The following PNPLA7 variants were observed in gnomAD, a reference collection of about 807,000 sequenced individuals.
PNPLA7 encodes patatin-like phospholipase domain-containing protein 7.
PNPLA7 carries 153 observed loss-of-function variants against 161.7 expected under a neutral mutation model. That is an observed-to-expected ratio of 0.95 (90% CI 0.83 to 1.08). PNPLA7 has a LOEUF of 1.08. Among genes scored for constraint, PNPLA7 ranks in the 50% least tolerant of loss-of-function variants. The pLI, the probability that PNPLA7 is intolerant of heterozygous loss-of-function variation, is 0.00. For missense variants in PNPLA7, 1,739 were observed against 1,856.6 expected (o/e 0.94, Z 1.16); for synonymous variants, 809 against 782.1 (o/e 1.03, Z -0.57).
At chr9:137,502,866 T>G (rs1833566167) in intron 14 of PNPLA7, among the ~76,000 whole-genome samples, 1 of 151,482 alleles carries the variant, frequency 6.6e-6, no homozygotes, top group Admixed American at 6.6e-5. Flanking sequence ...GATAAGAGTA[T>G]TGTGGTTAGA....
In PNPLA7 at chr9:137,464,256, G is replaced by A. The variant is rs1044213137; in HGVS notation, c.3157-61C>T. 6.8e-6 allele frequency: 11 copies of A among 1,608,612 alleles called. No homozygotes were observed. The Admixed American group carries it at 1.8e-4, about 27-fold the overall frequency. ...ATCACGCTCCTGTCCTGTGTCTGGGGAGGCTGACCCAGGGCCAAGAGGTGG... is the reference window on the plus strand; with the variant it reads ...ATCACGCTCCTGTCCTGTGTCTGGGAAGGCTGACCCAGGGCCAAGAGGTGG... On this transcript the variant is annotated intron_variant, in intron 27 of 34. Transcript: ENST00000406427.
rs1341768943 is a variant in PNPLA7, at chr9:137,537,871, A to C, written c.747+2771T>G. On this transcript the variant is annotated intron_variant, in intron 8 of 34. Coordinates refer to ENST00000406427, the MANE Select transcript of PNPLA7 (RefSeq NM_001098537.3). The surrounding 1 kb of genome is among the most constrained non-coding windows in gnomAD (Gnocchi z 4.5). ...ATGGAGAAAGCCTCTACCCCAGTGA[A>C]GCTATTTTTTGCTTAAAGAGAAACG... is the stretch of plus-strand genomic sequence containing the variant. Among the ~76,000 whole-genome samples, 2 of 152,180 alleles carry C rather than the reference A, an allele frequency of 1.3e-5. No homozygotes were observed. The highest frequency in any genetic ancestry group is 2.4e-5 in the African/African-American group (1 of 41,420).
intron 8 of PNPLA7, among the ~76,000 whole-genome samples, chr9:137,539,363 C>A (rs945726927): frequency 5.9e-5 from 9 of 151,866 alleles, no homozygotes; most frequent in South Asian, 2.1e-4. Context: ...AACAAACAAA[C>A]AAAAAACAAA....
At chr9:137,480,252 G>A in intron 23 of PNPLA7, 60 bp downstream of exon 23, 2 of 1,547,136 alleles carry the variant, frequency 1.3e-6, no homozygotes, top group African/African-American at 1.4e-5. Flanking sequence ...AAGGAAAAGA[G>A]AAACAGGAGG....
At chr9:137,463,641 G>C in intron 28 of PNPLA7, 110 bp from the exon 29 acceptor site, 1 of 760,908 alleles carries the variant, frequency 1.3e-6, no homozygotes, top group Non-Finnish European at 2.1e-6. Context: ...AACTCTCTGA[G>C]GCCGCCTCCA....
chr9:137,516,402 C>T, intron 11 of PNPLA7: 3 of 985,070 alleles, frequency 3.0e-6, no homozygotes, highest in African/African-American at 1.7e-5. Context: ...CCCATGAGCA[C>T]CCCCGGCCCT....
intron 20 of PNPLA7, chr9:137,492,188 T>C: frequency 2.0e-6 from 2 of 985,256 alleles, no homozygotes; most frequent in African/African-American, 1.7e-5. Context: ...AGAATGAATA[T>C]GCTGGAGCAG....
At chr9:137,536,125 C>T (rs1835875113) in intron 8 of PNPLA7, among the ~76,000 whole-genome samples, 1 of 150,526 alleles carries the variant, frequency 6.6e-6, no homozygotes. Context: ...TGCACTCCAG[C>T]CTGGGCGACA....
At position 137,464,190 on chromosome 9, in the gene PNPLA7, C is replaced by T. The variant is rs949745198; in HGVS notation, c.3162G>A (p.Leu1054=). 1.2e-6 allele frequency: 2 copies of T among 1,613,872 alleles called. No individual in the cohort carries two copies. Among genetic ancestry groups the T allele is most frequent in the Non-Finnish European group, 1.7e-6 (2 of 1,179,986 alleles). The change falls in exon 28 of 35, where the codon CTG becomes CTA. Residue 1054 remains leucine (L), a synonymous_variant. Coordinates refer to ENST00000406427, the MANE Select transcript of PNPLA7 (RefSeq NM_001098537.3). ...TGGTGATGGCGAAATAAGGAATCCACAGGTCCTGCGGGCGGACGGGGCTCA... is the reference window on the plus strand; with the variant it reads ...TGGTGATGGCGAAATAAGGAATCCATAGGTCCTGCGGGCGGACGGGGCTCA... ...SVFKDQQIED[L]WIPYFAITTD...
At chr9:137,518,271 C>T (rs1487303753) in intron 11 of PNPLA7, among the ~76,000 whole-genome samples, 2 of 142,418 alleles carry the variant, frequency 1.4e-5, no homozygotes, top group Admixed American at 6.8e-5. Flanking sequence ...ACTCACTCCA[C>T]TCTGCTCACT....
rs574081918 is a variant in PNPLA7, at chr9:137,524,760, A to C, written c.748-1903T>G. Among the ~76,000 whole-genome samples the C allele has an allele frequency of 6.6e-6, 1 of 151,860 alleles. No individual in the cohort carries two copies. The highest frequency in any genetic ancestry group is 2.1e-4 in the South Asian group (1 of 4,810). Reference sequence around the variant, plus strand: ...ACGAGTTTCCGTGGATGCCCCGTGGAATGAGTTTCCGTGGATGCCCCGTGG... The same window carrying C: ...ACGAGTTTCCGTGGATGCCCCGTGGCATGAGTTTCCGTGGATGCCCCGTGG... On this transcript the variant is annotated intron_variant, in intron 8 of 34. Coordinates refer to ENST00000406427, the MANE Select transcript of PNPLA7 (RefSeq NM_001098537.3). The surrounding 1 kb of genome is among the most constrained non-coding windows in gnomAD (Gnocchi z 4.4).
At chr9:137,522,637 G>T in intron 9 of PNPLA7, 92 bp downstream of exon 9, 1 of 1,373,394 alleles carries the variant, frequency 7.3e-7, no homozygotes, top group Non-Finnish European at 1.0e-6. Context: ...AAAGTAAGTG[G>T]GCAATAAACC....
intron 30 of PNPLA7, 44 bp from the exon 31 acceptor site, chr9:137,462,375 C>A: frequency 3.2e-6 from 5 of 1,559,648 alleles, no homozygotes; most frequent in Non-Finnish European, 4.3e-6. Flanking sequence ...CCGGCCCCTA[C>A]CCCGTCCCAG....
At chr9:137,516,734 T>C (rs1194666916) in intron 11 of PNPLA7, among the ~76,000 whole-genome samples, 1 of 151,866 alleles carries the variant, frequency 6.6e-6, no homozygotes, top group Non-Finnish European at 1.5e-5. Flanking sequence ...AGGAGAATCC[T>C]TTCAGCCAGT....
intron 12 of PNPLA7, among the ~76,000 whole-genome samples, chr9:137,510,212 G>C (rs372959183): frequency 5.9e-5 from 9 of 152,106 alleles, no homozygotes; most frequent in Non-Finnish European, 1.2e-4. Context: ...TTTCCCCGGG[G>C]AGTTTAGAGA....
At chr9:137,532,352 A>T (rs1306133439) in intron 8 of PNPLA7, among the ~76,000 whole-genome samples, 1 of 152,144 alleles carries the variant, frequency 6.6e-6, no homozygotes, top group Admixed American at 6.5e-5. Context: ...CACAAGACTC[A>T]CTTGAACCCA....
chr9:137,523,713 G>A lies in PNPLA7; in HGVS notation c.748-856C>T, dbSNP rs187796257. ...GTGATCTTGGCTCACTGCAAGCTCC[G>A]CCTCCCGGGTTCACACCATTCTCCT... On this transcript the variant is annotated intron_variant, in intron 8 of 34. Transcript: ENST00000406427. This position sits in a 1 kb window ranked among gnomAD's most constrained non-coding sequence, Gnocchi z 4.4. Among the ~76,000 whole-genome samples the A allele has an allele frequency of 7.9e-5, 12 of 151,226 alleles. No individual in the cohort carries two copies. The highest frequency in any genetic ancestry group is 3.3e-4 in the Admixed American group (5 of 15,152).
intron 20 of PNPLA7, among the ~76,000 whole-genome samples, chr9:137,492,541 A>G (rs1465022364): frequency 4.3e-4 from 2 of 4,636 alleles, no homozygotes; most frequent in African/African-American, 2.3e-3. Context: ...GGGCGGGGCC[A>G]TGGGCGGGTG....
chr9:137,511,019 G>A (rs1466008465), intron 12 of PNPLA7, among the ~76,000 whole-genome samples: 1 of 152,260 alleles, frequency 6.6e-6, no homozygotes, highest in Non-Finnish European at 1.5e-5. Context: ...ACAGAGTTAG[G>A]AGCTGAAGGG....
Sources: allele counts gnomAD v4.1 joint callset (sites outside exome capture counted in the v4.1 genomes callset), GRCh38; gene constraint gnomAD v4.1.1; non-coding constraint Gnocchi (gnomAD v3.1); transcripts MANE v1.5; gene names NCBI Gene and HGNC (gene_info 2026-07-23, HGNC 2026-07-21).